The following SOCS7 variants were observed in gnomAD, a reference collection of about 807,000 sequenced individuals.
The protein encoded by SOCS7 is suppressor of cytokine signaling 7, also known as NAP-4.
A neutral mutation model predicts 58.9 loss-of-function variants in SOCS7; 18 were observed. That is an observed-to-expected ratio of 0.31 (90% confidence interval 0.21 to 0.45). SOCS7 has a LOEUF of 0.45. Among genes scored for constraint, SOCS7 ranks in the 20% least tolerant of loss-of-function variants. The pLI is 1.00. For synonymous variants in SOCS7, 388 were observed against 364.3 expected, an observed-to-expected ratio of 1.06 and a Z score of -0.74; for missense variants, 667 against 837.3, an observed-to-expected ratio of 0.80 and a Z score of 2.51.
chr17:38,361,854 C>T, intron 2 of SOCS7, 79 bp downstream of exon 2: 1 of 990,346 alleles, frequency 1.0e-6, no homozygotes, highest in Non-Finnish European at 1.5e-6. Flanking sequence ...CTTACAGATG[C>T]ATCACAGGGA....
chr17:38,383,764 G>C (rs1597703991), intron 7 of SOCS7, among the ~76,000 whole-genome samples: 1 of 152,108 alleles, frequency 6.6e-6, no homozygotes, highest in African/African-American at 2.4e-5. Flanking sequence ...GGCTGGTCTC[G>C]AACTCCTGAC....
At position 38,387,693 on chromosome 17, in the gene SOCS7, TTTATA is replaced by T. The variant is rs796829690; in HGVS notation, c.1682-7610_1682-7606del. Among the ~76,000 whole-genome samples the T allele has an allele frequency of 3.5e-4, 37 of 104,294 alleles. No individual in the cohort carries two copies. In the East Asian group the frequency reaches 6.0e-3, roughly 17 times the overall value. The allele number at this position is 104,294 out of a possible 152,430, so 68.4% of individuals were successfully genotyped here. A position where few individuals can be genotyped will look rare whatever the true frequency, so the allele number is the denominator to read the frequency against. ...ACTATATATTTTATATATTTATATA[TTTATA>T]TTATACATATTATATATATACTATA... On this transcript the variant is annotated intron_variant, in intron 7 of 9. Transcript: ENST00000612932.
intron 7 of SOCS7, among the ~76,000 whole-genome samples, chr17:38,385,566 C>T (rs560362567): frequency 1.3e-5 from 2 of 151,954 alleles, no homozygotes; most frequent in South Asian, 4.2e-4. Flanking sequence ...GAAATCCTTC[C>T]GTGTGCCCCA....
intron 7 of SOCS7, among the ~76,000 whole-genome samples, chr17:38,390,291 T>C (rs1258919638): frequency 6.6e-6 from 1 of 152,194 alleles, no homozygotes; most frequent in Non-Finnish European, 1.5e-5. Context: ...TCCATCCTTA[T>C]GCCATTACTG....
At chr17:38,377,566 A>G in intron 6 of SOCS7, 148 bp from the exon 7 acceptor site, 1 of 574,538 alleles carries the variant, frequency 1.7e-6, no homozygotes, top group Non-Finnish European at 2.9e-6. Context: ...TGAGATAAGC[A>G]GGAACAGGTA....
At chr17:38,375,505 G>A (rs2037919363) in intron 6 of SOCS7, among the ~76,000 whole-genome samples, 1 of 151,828 alleles carries the variant, frequency 6.6e-6, no homozygotes, top group South Asian at 2.1e-4. Context: ...CCTTTTTCTA[G>A]CTTAATTGTA....
intron 1 of SOCS7, among the ~76,000 whole-genome samples, chr17:38,355,890 G>GT (rs2037630581): frequency 1.3e-5 from 2 of 151,974 alleles, no homozygotes; most frequent in Admixed American, 6.6e-5. Flanking sequence ...TTTTTGTTTT[G>GT]TTTTTTGTTT....
At chr17:38,399,143 A>C (rs938477887) in intron 9 of SOCS7, among the ~76,000 whole-genome samples, 5 of 151,952 alleles carry the variant, frequency 3.3e-5, no homozygotes, top group African/African-American at 1.2e-4. Context: ...TGCCAGGTTC[A>C]AAAGGGGTTA....
intron 7 of SOCS7, among the ~76,000 whole-genome samples, chr17:38,380,281 T>A (rs1357305261): frequency 6.6e-6 from 1 of 152,152 alleles, no homozygotes; most frequent in Non-Finnish European, 1.5e-5. Context: ...GCTCTTTATT[T>A]AAATATATTG....
chr17:38,353,042 G>T lies in SOCS7; in HGVS notation c.980+10G>T. The T allele has an allele frequency of 6.4e-7, 1 of 1,557,912 alleles. No homozygotes were observed. On this transcript the variant is annotated intron_variant, in intron 1 of 9. Transcript: ENST00000612932. Reference sequence around the variant, plus strand: ...AGCTGGACGCGGGGAGGTGAGACCGGCCGGGGGCTGGCCGACAAACTTCCT... The same window carrying T: ...AGCTGGACGCGGGGAGGTGAGACCGTCCGGGGGCTGGCCGACAAACTTCCT...
rs201409782 is a variant in SOCS7 at position 38,360,511 on chromosome 17, TTTTTTATTTTTTTA to T, written c.981-1187_981-1174del. Among the ~76,000 whole-genome samples the T allele has an allele frequency of 4.7e-3, 710 of 151,616 alleles. 4 individuals carry two copies. The highest frequency in any genetic ancestry group is 0.016 in the African/African-American group (670 of 41,384). On this transcript the variant is annotated intron_variant, in intron 1 of 9. Coordinates refer to ENST00000612932, the MANE Select transcript of SOCS7 (RefSeq NM_014598.4). ...CAGCCAGCATATGGCATATTTCTTTTTTTTTATTTTTTTATTTTTATTTTTTATTTTATTTTACT... is the reference window on the plus strand; with the variant it reads ...CAGCCAGCATATGGCATATTTCTTTTTTTTTATTTTTTATTTTATTTTACT...
rs1350663990 is a variant in SOCS7 at position 38,351,960 on chromosome 17, C to T, written c.-93C>T. Among the ~76,000 whole-genome samples the T allele has an allele frequency of 6.6e-6, 1 of 151,216 alleles. No individual in the cohort carries two copies. Among genetic ancestry groups the T allele is most frequent in the African/African-American group, 2.4e-5 (1 of 41,310 alleles). On this transcript the variant is annotated 5_prime_UTR_variant, in exon 1 of 10. Coordinates refer to ENST00000612932, the MANE Select transcript of SOCS7 (RefSeq NM_014598.4). Reference sequence around the variant, plus strand: ...CGCGGCGGCCGTTAGCGCTGTCGCTCCGGGGGCCGCGGCGGGCGGGGCTCC... The same window carrying T: ...CGCGGCGGCCGTTAGCGCTGTCGCTTCGGGGGCCGCGGCGGGCGGGGCTCC...
chr17:38,379,730 G>A (rs915324148), intron 7 of SOCS7, among the ~76,000 whole-genome samples: 1 of 152,130 alleles, frequency 6.6e-6, no homozygotes, highest in African/African-American at 2.4e-5. Context: ...TTTTGCCTCA[G>A]TGCTGTCAAC....
In SOCS7 at chr17:38,397,909, A is replaced by T. The variant is rs184028381; in HGVS notation, c.*31-1604A>T. Among the ~76,000 whole-genome samples the T allele has an allele frequency of 8.5e-5, 13 of 152,252 alleles. No homozygotes were observed. The East Asian group carries it at 2.3e-3, about 27-fold the overall frequency. On this transcript the variant is annotated intron_variant, in intron 9 of 9. Transcript: ENST00000612932. The stretch of plus-strand genomic sequence containing the variant: ...AGGGAGAGACTTGTGAGGAGGTGCC[A>T]TTTCAGCCGATACCCAAATATCAAG...
At chr17:38,390,079 A>G (rs2144393243) in intron 7 of SOCS7, among the ~76,000 whole-genome samples, 1 of 149,824 alleles carries the variant, frequency 6.7e-6, no homozygotes, top group East Asian at 2.0e-4. Context: ...GAGCCACCGT[A>G]CCCAGCCTTG....
intron 7 of SOCS7, among the ~76,000 whole-genome samples, chr17:38,388,042 G>T (rs991329973): frequency 2.6e-5 from 4 of 151,878 alleles, no homozygotes; most frequent in Non-Finnish European, 5.9e-5. Flanking sequence ...AAAGTGCTAG[G>T]ATTATAGGCA....
chr17:38,398,593 T>C, intron 9 of SOCS7, among the ~76,000 whole-genome samples: 1 of 152,194 alleles, frequency 6.6e-6, no homozygotes, highest in East Asian at 1.9e-4. Flanking sequence ...GACTTCTTGT[T>C]GTTCAGGCTG....
At chr17:38,379,157 C>CAA (rs1173083126) in intron 7 of SOCS7, among the ~76,000 whole-genome samples, 2 of 47,430 alleles carry the variant, frequency 4.2e-5, no homozygotes, top group African/African-American at 1.5e-4. Flanking sequence ...GACCCTGTCT[C>CAA]AAAAAAAAAA....
chr17:38,377,643 A>G lies in SOCS7; in HGVS notation c.1553-71A>G, dbSNP rs2037948874. On this transcript the variant is annotated intron_variant, in intron 6 of 9. Transcript: ENST00000612932. The stretch of plus-strand genomic sequence containing the variant: ...CCCAAAAGTGAGAATCATAGTTAAA[A>G]TATTCAAACCAGCCTCTCATGTCTT... 1.8e-5 allele frequency: 26 copies of G among 1,448,558 alleles called. No homozygotes were observed. The South Asian group carries it at 3.2e-4, about 18-fold the overall frequency. The allele number at this position is 1,448,558 out of a possible 1,614,324, so 89.7% of individuals were successfully genotyped here.
Sources: gnomAD v4.1 joint callset for allele counts (sites outside exome capture counted in the v4.1 genomes callset) on GRCh38, gnomAD v4.1.1 for gene constraint, MANE v1.5 for transcripts, NCBI Gene and HGNC (gene_info 2026-07-23, HGNC 2026-07-21) for gene names.